Variants in CSRNP3 observed in about 807,000 individuals in gnomAD.
The protein encoded by CSRNP3 is cysteine/serine-rich nuclear protein 3.
Under a neutral mutation model 48.0 loss-of-function variants are expected in CSRNP3, and 12 were observed. The observed-to-expected ratio is 0.25, with a 90% confidence interval of 0.16 to 0.41. The LOEUF (loss-of-function observed/expected upper bound fraction) is 0.41. Ranked by LOEUF, CSRNP3 falls within the 10% of genes least tolerant of loss-of-function variation. The pLI is 1.00. For synonymous variants in CSRNP3, 263 were observed against 269.7 expected, an observed-to-expected ratio of 0.98 and a Z score of 0.24; for missense variants, 580 against 724.4, an observed-to-expected ratio of 0.80 and a Z score of 2.29.
At chr2:165,614,108 A>G (rs552385102) in intron 4 of CSRNP3, among the ~76,000 whole-genome samples, 5 of 152,086 alleles carry the variant, frequency 3.3e-5, no homozygotes, top group East Asian at 3.9e-4. Context: ...TCATCACACC[A>G]CTATGCCTCG....
At chr2:165,537,075 C>T (rs1684891211) in intron 3 of CSRNP3, among the ~76,000 whole-genome samples, 1 of 151,704 alleles carries the variant, frequency 6.6e-6, no homozygotes, top group Admixed American at 6.6e-5. Flanking sequence ...GAACCATCCA[C>T]AGCAGTCCAG....
At chr2:165,621,247 T>A (rs1404333274) in intron 4 of CSRNP3, among the ~76,000 whole-genome samples, 2 of 151,658 alleles carry the variant, frequency 1.3e-5, no homozygotes, top group Non-Finnish European at 2.9e-5. Context: ...TCTGCAGGCG[T>A]CCTACCAAAA....
In CSRNP3 at chr2:165,609,238, G is replaced by A. The variant is rs77907420; in HGVS notation, c.148+14025G>A. Among the ~76,000 whole-genome samples, 131 of 151,238 alleles carry A rather than the reference G, an allele frequency of 8.7e-4. 2 individuals are homozygous for A. The East Asian group carries it at 0.024, about 28-fold the overall frequency. ...TGGGAGGCCGAGGCAGGAGGATCAC[G>A]AGGTCAGGAGATCGAGACCATCCTG... On this transcript the variant is annotated intron_variant, in intron 4 of 6. Coordinates refer to ENST00000651982, the MANE Select transcript of CSRNP3 (RefSeq NM_001172173.2).
rs959291479 is a variant in CSRNP3, at chr2:165,599,004, G to C, written c.148+3791G>C. ...ACTATAATCCCAGCACTTTGGGAGGGTGAGGCAGGAGGATTGCTTGAGCCC... is the reference window on the plus strand; with the variant it reads ...ACTATAATCCCAGCACTTTGGGAGGCTGAGGCAGGAGGATTGCTTGAGCCC... On this transcript the variant is annotated intron_variant, in intron 4 of 6. Transcript: ENST00000651982. Among the ~76,000 whole-genome samples, 16 of 151,938 alleles carry C rather than the reference G, an allele frequency of 1.1e-4. No individual in the cohort carries two copies. The East Asian group carries it at 3.1e-3, about 30-fold the overall frequency.
intron 1 of CSRNP3, among the ~76,000 whole-genome samples, chr2:165,486,104 G>A (rs1475005423): frequency 2.6e-5 from 4 of 152,286 alleles, no homozygotes; most frequent in African/African-American, 4.8e-5. Flanking sequence ...TGCGCGAGCC[G>A]AAGCAGGGCG....
intron 5 of CSRNP3, among the ~76,000 whole-genome samples, chr2:165,662,506 T>G (rs539115456): frequency 6.6e-6 from 1 of 152,236 alleles, no homozygotes; most frequent in Non-Finnish European, 1.5e-5. Flanking sequence ...TGTCATACTC[T>G]TCACAGTAAT....
rs1310433950 is a variant in CSRNP3 at position 165,684,580 on chromosome 2, T to G, written c.*4827T>G. On this transcript the variant is annotated 3_prime_UTR_variant, in exon 7 of 7. Coordinates refer to ENST00000651982, the MANE Select transcript of CSRNP3 (RefSeq NM_001172173.2). ...AGGCTTGATTACTCTATATTAGGTCTAATATGAATTTTCACCTTCTGATTG... is the reference window on the plus strand; with the variant it reads ...AGGCTTGATTACTCTATATTAGGTCGAATATGAATTTTCACCTTCTGATTG... The G allele has an allele frequency of 2.0e-5, 3 of 151,252 alleles. No individual in the cohort carries two copies. Among genetic ancestry groups the G allele is most frequent in the African/African-American group, 7.3e-5 (3 of 41,254 alleles). 9.4% of individuals were successfully genotyped at this position (151,252 alleles called of 1,614,324 possible).
In CSRNP3 at chr2:165,629,897, C is replaced by G. The variant is rs372074547; in HGVS notation, c.149-27864C>G. ...GATTCCCCTTTTATTTCTGGCTGCC[C>G]TGCCTGCTGCATTCAGCAAGCCATT... On this transcript the variant is annotated intron_variant, in intron 4 of 6. Coordinates refer to ENST00000651982, the MANE Select transcript of CSRNP3 (RefSeq NM_001172173.2). Among the ~76,000 whole-genome samples, 22 of 152,218 alleles carry G rather than the reference C, an allele frequency of 1.4e-4. No homozygotes were observed. In the East Asian group the frequency reaches 3.1e-3, roughly 21 times the overall value.
intron 4 of CSRNP3, among the ~76,000 whole-genome samples, chr2:165,630,141 T>G (rs1220498143): frequency 6.6e-6 from 1 of 152,214 alleles, no homozygotes; most frequent in Non-Finnish European, 1.5e-5. Flanking sequence ...AGGCTGTCTA[T>G]TCTTTGATTT....
At chr2:165,547,155 T>C (rs1261796091) in intron 3 of CSRNP3, among the ~76,000 whole-genome samples, 7 of 152,178 alleles carry the variant, frequency 4.6e-5, no homozygotes, top group Non-Finnish European at 8.8e-5. Flanking sequence ...ATGAACCTCA[T>C]TCATTTTTAT....
chr2:165,586,947 C>T (rs1222365495), intron 3 of CSRNP3, among the ~76,000 whole-genome samples: 1 of 152,204 alleles, frequency 6.6e-6, no homozygotes. Flanking sequence ...GATATTTTCC[C>T]TTTGAACTCA....
chr2:165,655,818 AT>A (rs1345248535), intron 4 of CSRNP3, among the ~76,000 whole-genome samples: 1 of 152,188 alleles, frequency 6.6e-6, no homozygotes, highest in Non-Finnish European at 1.5e-5. Flanking sequence ...GTCTCTTCAC[AT>A]CATCTTCCCT....
At chr2:165,522,963 A>C (rs945538577) in intron 3 of CSRNP3, among the ~76,000 whole-genome samples, 2 of 152,126 alleles carry the variant, frequency 1.3e-5, no homozygotes, top group Non-Finnish European at 2.9e-5. Context: ...TAATCCTTTC[A>C]TTCTGACTGT....
chr2:165,619,061 C>T (rs1686296414), intron 4 of CSRNP3, among the ~76,000 whole-genome samples: 1 of 152,048 alleles, frequency 6.6e-6, no homozygotes, highest in African/African-American at 2.4e-5. Context: ...AGTGTGAGTG[C>T]CTTTGTCTCT....
intron 4 of CSRNP3, among the ~76,000 whole-genome samples, chr2:165,651,582 T>A (rs919216287): frequency 6.6e-6 from 1 of 152,198 alleles, no homozygotes; most frequent in African/African-American, 2.4e-5. Flanking sequence ...ACAGATTATT[T>A]TATGTGCCTA....
chr2:165,603,098 T>C (rs1487164729), intron 4 of CSRNP3, among the ~76,000 whole-genome samples: 1 of 151,904 alleles, frequency 6.6e-6, no homozygotes, highest in Admixed American at 6.6e-5. Flanking sequence ...GGCTTCACCG[T>C]GTTAGCCAGG....
chr2:165,592,373 T>C (rs1339156476), intron 3 of CSRNP3, among the ~76,000 whole-genome samples: 2 of 152,174 alleles, frequency 1.3e-5, no homozygotes, highest in East Asian at 3.9e-4. Context: ...AGATGAGACG[T>C]TGGACTTCGA....
intron 3 of CSRNP3, among the ~76,000 whole-genome samples, chr2:165,546,865 A>G (rs1267709611): frequency 6.6e-6 from 1 of 152,240 alleles, no homozygotes; most frequent in East Asian, 1.9e-4. Flanking sequence ...TTTTCTAAAG[A>G]TGGATTTACA....
intron 3 of CSRNP3, among the ~76,000 whole-genome samples, chr2:165,536,640 A>C (rs2105248527): frequency 6.6e-6 from 1 of 152,042 alleles, no homozygotes; most frequent in South Asian, 2.1e-4. Flanking sequence ...GCATGTGTCA[A>C]GTTCTTCAAC....
Sources: gnomAD v4.1 joint callset for allele counts (sites outside exome capture counted in the v4.1 genomes callset) on GRCh38, gnomAD v4.1.1 for gene constraint, MANE v1.5 for transcripts, NCBI Gene and HGNC (gene_info 2026-07-23, HGNC 2026-07-21) for gene names.